CAMTA1: variants seen among roughly 807,000 people sequenced by gnomAD.
CAMTA1 encodes the protein calmodulin binding transcription activator 1, also known as calmodulin-binding transcription activator 1.
In CAMTA1, 27 loss-of-function variants were observed where a neutral mutation model predicts 170.9. The observed-to-expected ratio is 0.16, with a 90% CI of 0.12 to 0.22. CAMTA1 has a LOEUF of 0.22. Ranked by LOEUF, CAMTA1 falls within the 10% of genes least tolerant of loss-of-function variation. CAMTA1 has a pLI of 1.00. For missense variants in CAMTA1, 1,619 were observed against 2,217.2 expected (o/e 0.73, Z 5.42); for synonymous variants, 833 against 891.5 (o/e 0.93, Z 1.17).
intron 3 of CAMTA1, among the ~76,000 whole-genome samples, chr1:6,837,067 C>T (rs1213438086): frequency 6.6e-6 from 1 of 151,958 alleles, no homozygotes; most frequent in African/African-American, 2.4e-5. Context: ...CATTCTCCTG[C>T]CTCAGCCTCC....
rs932995674 is a variant in CAMTA1, at chr1:7,032,626, A to T, written c.235-58678A>T. Among the ~76,000 whole-genome samples, 5 of 152,128 alleles carry T rather than the reference A, an allele frequency of 3.3e-5. No homozygotes were observed. The East Asian group carries it at 9.6e-4, about 29-fold the overall frequency. On this transcript the variant is annotated intron_variant, in intron 3 of 22. Coordinates refer to ENST00000303635, the MANE Select transcript of CAMTA1 (RefSeq NM_015215.4). The stretch of plus-strand genomic sequence containing the variant: ...ATAAAAAGTCTTTATATATACCCAC[A>T]TCTCTACCATTTCCAGTGCTCTTCA...
intron 5 of CAMTA1, among the ~76,000 whole-genome samples, chr1:7,350,240 A>G (rs761010995): frequency 6.6e-6 from 1 of 152,134 alleles, no homozygotes; most frequent in South Asian, 2.1e-4. Flanking sequence ...TGGCAGGAAC[A>G]GTGGATGCCG....
intron 6 of CAMTA1, among the ~76,000 whole-genome samples, chr1:7,497,372 G>A: frequency 6.6e-6 from 1 of 152,196 alleles, no homozygotes; most frequent in East Asian, 1.9e-4. Context: ...CTTGGTGTCT[G>A]GGCAGGCAGA....
intron 4 of CAMTA1, among the ~76,000 whole-genome samples, chr1:7,125,202 T>TG (rs1337169722): frequency 3.3e-5 from 5 of 152,136 alleles, no homozygotes; most frequent in South Asian, 4.1e-4. Flanking sequence ...ACCACTTGAA[T>TG]GGGGCTGCCC....
At chr1:7,600,636 A>G (rs60937175) in intron 6 of CAMTA1, among the ~76,000 whole-genome samples, 25,981 of 151,228 alleles carry the variant, frequency 0.17, 3,087 homozygotes, top group African/African-American at 0.34. Context: ...GCGGCCTTCC[A>G]AAGTGTTTGT....
intron 3 of CAMTA1, among the ~76,000 whole-genome samples, chr1:6,926,423 CTCTTTCTTTCTTTTCTCTTTCTTTCTT>C (rs1289135367): frequency 5.5e-4 from 74 of 134,346 alleles, no homozygotes; most frequent in Non-Finnish European, 8.1e-4. Flanking sequence ...CTTTTCTTTT[CTCTTTCTTTCTTTTCTCTTTCTTTCTT>C]TCTTTCTTTC....
At chr1:7,105,713 T>G (rs1643509297) in intron 4 of CAMTA1, among the ~76,000 whole-genome samples, 2 of 152,142 alleles carry the variant, frequency 1.3e-5, no homozygotes, top group African/African-American at 2.4e-5. Flanking sequence ...GAGACTGAAG[T>G]GGGCAGATCA....
Position 7,174,179 on chromosome 1 carries a change from C to T in CAMTA1, c.303-75312C>T, listed in dbSNP as rs551864406. Among the ~76,000 whole-genome samples the T allele has an allele frequency of 3.9e-5, 6 of 152,228 alleles. 1 individual carries two copies. The South Asian group carries it at 6.2e-4, about 16-fold the overall frequency. On this transcript the variant is annotated intron_variant, in intron 4 of 22. Transcript: ENST00000303635. ...CCCTGAAGGAGCAGCTCTGTCAGGC[C>T]GGGAAAATGGTTGTATTATTCTTCT...
In CAMTA1 at chr1:7,744,999, C is replaced by T. The variant is rs1356088225; in HGVS notation, c.4347C>T (p.Cys1449=). The stretch of plus-strand genomic sequence containing the variant: ...CCAGTTATCTAGCGGATGCTGACTG[C>T]CTTCCCAGTGCTGCCCAGATCCGGT... The part of the protein sequence containing the change: ...WLASYLADAD[C]LPSAAQIRSA... The change falls in exon 17 of 23, where the codon TGC becomes TGT. Residue 1449 remains cysteine, a synonymous_variant. Transcript: ENST00000303635. 1 of 1,613,590 alleles carries T rather than the reference C, an allele frequency of 6.2e-7. No homozygotes were observed. The highest frequency in any genetic ancestry group is 2.2e-5 in the East Asian group (1 of 44,874).
intron 6 of CAMTA1, among the ~76,000 whole-genome samples, chr1:7,506,423 A>T (rs539709921): frequency 4.8e-4 from 73 of 152,162 alleles, no homozygotes; most frequent in African/African-American, 1.6e-3. Flanking sequence ...ACACAGTCTC[A>T]TGCTCACACT....
chr1:7,730,453 A>C (rs2096723255), intron 11 of CAMTA1, among the ~76,000 whole-genome samples: 1 of 152,142 alleles, frequency 6.6e-6, no homozygotes, highest in South Asian at 2.1e-4. Context: ...TCGAAGTGTC[A>C]CCTTTCCTGA....
chr1:7,497,286 A>G (rs1209746839), intron 6 of CAMTA1, among the ~76,000 whole-genome samples: 1 of 152,062 alleles, frequency 6.6e-6, no homozygotes, highest in Non-Finnish European at 1.5e-5. Context: ...GCCTGGAGCT[A>G]GAAGCCAGCC....
At chr1:7,557,786 C>G (rs1251599439) in intron 6 of CAMTA1, among the ~76,000 whole-genome samples, 1 of 150,354 alleles carries the variant, frequency 6.7e-6, no homozygotes, top group Non-Finnish European at 1.5e-5. Context: ...AGCCATAGAT[C>G]CTTGTGATGT....
At chr1:7,098,864 C>T (rs575523049) in intron 4 of CAMTA1, among the ~76,000 whole-genome samples, 1 of 152,268 alleles carries the variant, frequency 6.6e-6, no homozygotes, top group African/African-American at 2.4e-5. Flanking sequence ...CAGTCCAGGG[C>T]TCATGTCCCT....
chr1:7,062,080 G>A (rs1390547933), intron 3 of CAMTA1, among the ~76,000 whole-genome samples: 1 of 152,014 alleles, frequency 6.6e-6, no homozygotes, highest in Non-Finnish European at 1.5e-5. Context: ...ACCACGCACG[G>A]CTAATTTTTG....
intron 6 of CAMTA1, 98 bp from the exon 7 acceptor site, chr1:7,640,302 G>A: frequency 2.2e-6 from 3 of 1,340,870 alleles, no homozygotes; most frequent in Non-Finnish European, 3.1e-6. Flanking sequence ...GGGTGTCTGG[G>A]GCCTCAGTCT....
intron 3 of CAMTA1, among the ~76,000 whole-genome samples, chr1:7,015,908 G>T (rs1394909943): frequency 1.3e-5 from 2 of 152,206 alleles, no homozygotes; most frequent in Non-Finnish European, 2.9e-5. Context: ...GCAGGAGGAA[G>T]AGGGTGAAGG....
At chr1:7,618,237 CAAG>C (rs1203281379) in intron 6 of CAMTA1, among the ~76,000 whole-genome samples, 7 of 152,322 alleles carry the variant, frequency 4.6e-5, no homozygotes, top group Non-Finnish European at 2.9e-5. Context: ...GCCTGTAACT[CAAG>C]AAGGTGTTAG....
At chr1:7,761,755 A>AT (rs2096977850) in intron 22 of CAMTA1, among the ~76,000 whole-genome samples, 1 of 152,108 alleles carries the variant, frequency 6.6e-6, no homozygotes, top group South Asian at 2.1e-4. Flanking sequence ...ACAAAATTGA[A>AT]TTTTTTTCCT....
Sources: allele counts gnomAD v4.1 joint callset (sites outside exome capture counted in the v4.1 genomes callset), GRCh38; gene constraint gnomAD v4.1.1; transcripts MANE v1.5; gene names NCBI Gene and HGNC (gene_info 2026-07-23, HGNC 2026-07-21).